The following UBOX5 variants were observed in gnomAD, a reference collection of about 807,000 sequenced individuals.
UBOX5 encodes the protein RING finger protein 37.
Under a neutral mutation model 39.0 loss-of-function variants are expected in UBOX5, and 28 were observed. That is an observed-to-expected ratio of 0.72 (90% CI 0.53 to 0.98). The LOEUF (loss-of-function observed/expected upper bound fraction) is 0.98, where lower values mean the gene tolerates loss of function less well. Among genes scored for constraint, UBOX5 ranks in the 50% least tolerant of loss-of-function variants. UBOX5 has a pLI of 0.00. For missense variants in UBOX5, 585 were observed against 674.4 expected, an observed-to-expected ratio of 0.87 and a Z score of 1.47; for synonymous variants, 283 against 275.5, an observed-to-expected ratio of 1.03 and a Z score of -0.27.
At chr20:3,121,234 G>A in intron 3 of UBOX5, 150 bp downstream of exon 3, 1 of 1,180,664 alleles carries the variant, frequency 8.5e-7, no homozygotes, top group South Asian at 1.6e-5. Context: ...ACAAAGCTGA[G>A]GGGCCCCAGG....
At chr20:3,151,261 G>C (rs1214529921) in intron 1 of UBOX5, among the ~76,000 whole-genome samples, 1 of 152,204 alleles carries the variant, frequency 6.6e-6, no homozygotes, top group Non-Finnish European at 1.5e-5. Flanking sequence ...AGGGTGAGCA[G>C]ACTATGTCCT....
chr20:3,145,161 T>C (rs1163270343), intron 1 of UBOX5, among the ~76,000 whole-genome samples: 1 of 143,468 alleles, frequency 7.0e-6, no homozygotes, highest in Non-Finnish European at 1.5e-5. Context: ...TTTGAGAGCC[T>C]TTTTTTTTTT....
chr20:3,137,346 T>C (rs923588009), intron 1 of UBOX5, among the ~76,000 whole-genome samples: 6 of 152,216 alleles, frequency 3.9e-5, no homozygotes, highest in African/African-American at 1.2e-4. Context: ...CACATACTCT[T>C]TCAGGCTCAC....
At chr20:3,137,039 C>A (rs935580714) in intron 1 of UBOX5, among the ~76,000 whole-genome samples, 57 of 151,942 alleles carry the variant, frequency 3.8e-4, no homozygotes, top group African/African-American at 1.3e-3. Context: ...CCTTCACCTC[C>A]CGGGTTCAAG....
At chr20:3,141,310 G>A (rs755102851) in intron 1 of UBOX5, among the ~76,000 whole-genome samples, 1 of 152,072 alleles carries the variant, frequency 6.6e-6, no homozygotes, top group African/African-American at 2.4e-5. Context: ...AAGAATATTT[G>A]CTGCATATTA....
intron 3 of UBOX5, among the ~76,000 whole-genome samples, chr20:3,119,404 G>C (rs1422021008): frequency 6.6e-6 from 1 of 152,192 alleles, no homozygotes; most frequent in Non-Finnish European, 1.5e-5. Context: ...TGGCAGACTT[G>C]GAAGACCCTG....
chr20:3,157,881 G>A (rs1483800810), intron 1 of UBOX5, among the ~76,000 whole-genome samples: 1 of 152,104 alleles, frequency 6.6e-6, no homozygotes, highest in Non-Finnish European at 1.5e-5. Flanking sequence ...GACAAATAAA[G>A]AAGGAGTTTC....
Position 3,121,592 on chromosome 20 carries a change from T to G in UBOX5, c.1047A>C (p.Ala349=). Residue 349 remains alanine, a synonymous_variant, in exon 3 of 5, where the codon GCA becomes GCC. Coordinates refer to ENST00000217173, the MANE Select transcript of UBOX5 (RefSeq NM_014948.4). Reference sequence around the variant, plus strand: ...CAATGGAAGAAGGGATCACTGCCAATGCCGTCTGTGCTCTCCCAAGCAGGT... The same window carrying G: ...CAATGGAAGAAGGGATCACTGCCAAGGCCGTCTGTGCTCTCCCAAGCAGGT... ...GCHLLGRAQT[A]LAVIPSSIVL... The G allele has an allele frequency of 1.2e-6, 2 of 1,604,572 alleles. No individual in the cohort carries two copies. The highest frequency in any genetic ancestry group is 1.7e-6 in the Non-Finnish European group (2 of 1,175,408).
intron 4 of UBOX5, chr20:3,111,834 C>T (rs1568467483): frequency 6.6e-6 from 1 of 152,274 alleles, no homozygotes; most frequent in Non-Finnish European, 1.5e-5. Context: ...GCCTCAGGAC[C>T]TGGCGCAGCA....
intron 1 of UBOX5, among the ~76,000 whole-genome samples, chr20:3,145,405 C>T (rs2066551523): frequency 6.7e-6 from 1 of 150,346 alleles, no homozygotes; most frequent in South Asian, 2.1e-4. Context: ...AGTGCTGGGA[C>T]TACAGACCTG....
intron 1 of UBOX5, among the ~76,000 whole-genome samples, chr20:3,125,412 C>T (rs1276585957): frequency 7.5e-4 from 98 of 130,302 alleles, no homozygotes; most frequent in African/African-American, 2.7e-3. Context: ...CTCTGCCCGG[C>T]CGCCCATCAT....
intron 1 of UBOX5, among the ~76,000 whole-genome samples, chr20:3,141,120 T>C (rs1394030135): frequency 1.3e-5 from 2 of 151,614 alleles, no homozygotes; most frequent in African/African-American, 2.4e-5. Context: ...GGTTTCAACA[T>C]GTTGGACAGG....
rs763138942 is a variant in UBOX5 at position 3,121,696 on chromosome 20, G to A, written c.943C>T (p.His315Tyr). The change falls in exon 3 of 5, where the codon CAC becomes TAC. Residue 315 changes from histidine to tyrosine, a missense_variant. By Grantham distance (83) the His-to-Tyr change is moderately conservative. Coordinates refer to ENST00000217173, the MANE Select transcript of UBOX5 (RefSeq NM_014948.4). ...DPFTGVAFTPHSQPLPHPSLK... is the reference protein window; with the variant it reads ...DPFTGVAFTPYSQPLPHPSLK... ...GAGGGGTGAGGCAGGGGCTGAGAGTGCGGAGTAAAAGCTACCCCCGTGAAA... is the reference window on the plus strand; with the variant it reads ...GAGGGGTGAGGCAGGGGCTGAGAGTACGGAGTAAAAGCTACCCCCGTGAAA... 2.5e-6 allele frequency: 4 copies of A among 1,614,012 alleles called. No homozygotes were observed. Among genetic ancestry groups the A allele is most frequent in the Non-Finnish European group, 3.4e-6 (4 of 1,180,028 alleles).
chr20:3,136,203 G>A (rs921194602), intron 1 of UBOX5: 2 of 150,916 alleles, frequency 1.3e-5, no homozygotes, highest in Admixed American at 6.6e-5. Flanking sequence ...TTTTTCCTTC[G>A]GCATTTTCTT....
intron 1 of UBOX5, among the ~76,000 whole-genome samples, chr20:3,136,616 A>G (rs954019340): frequency 1.3e-5 from 2 of 151,898 alleles, no homozygotes; most frequent in Non-Finnish European, 2.9e-5. Context: ...CAGCCTCCCA[A>G]AGTGCTGGGA....
chr20:3,146,272 C>T (rs1186298907), intron 1 of UBOX5, among the ~76,000 whole-genome samples: 4 of 150,252 alleles, frequency 2.7e-5, no homozygotes, highest in Non-Finnish European at 4.4e-5. Flanking sequence ...ATCTGGGAGG[C>T]GGAGGTTGCA....
chr20:3,119,710 C>T (rs1388035941), intron 3 of UBOX5, among the ~76,000 whole-genome samples: 1 of 152,010 alleles, frequency 6.6e-6, no homozygotes, highest in Non-Finnish European at 1.5e-5. Context: ...AAAAAATTAG[C>T]CGGTGTGGTG....
chr20:3,136,237 CT>C (rs11379509), intron 1 of UBOX5: 18,373 of 146,110 alleles, frequency 0.13, 1,261 homozygotes, highest in Middle Eastern at 0.2. Flanking sequence ...TCTTTTTATT[CT>C]TTTTTTTTTT....
chr20:3,148,786 T>C (rs779099840), intron 1 of UBOX5: 2 of 1,614,236 alleles, frequency 1.2e-6, no homozygotes, highest in South Asian at 2.2e-5. Flanking sequence ...TGGCCCTGGG[T>C]GAGCCCAGCT....
Sources: gnomAD v4.1 joint callset for allele counts (sites outside exome capture counted in the v4.1 genomes callset) on GRCh38, gnomAD v4.1.1 for gene constraint, MANE v1.5 for transcripts, NCBI Gene and HGNC (gene_info 2026-07-23, HGNC 2026-07-21) for gene names.